The following GLDC variants were observed in gnomAD, a reference collection of about 807,000 sequenced individuals.
GLDC encodes glycine decarboxylase.
In GLDC, 104 loss-of-function variants were observed where a neutral mutation model predicts 121.3. The ratio of observed to expected loss-of-function variants is 0.86; its 90% CI spans 0.73 to 1.01. GLDC has a LOEUF of 1.01. Ranked by LOEUF, GLDC falls within the 50% of genes least tolerant of loss-of-function variation. The pLI is 0.00. For synonymous variants in GLDC, 546 were observed against 480.6 expected, an observed-to-expected ratio of 1.14 and a Z score of -1.78; for missense variants, 1,429 against 1,306.6, an observed-to-expected ratio of 1.09 and a Z score of -1.44.
chr9:6,551,646 G>A (rs1001264586), intron 20 of GLDC, among the ~76,000 whole-genome samples: 5 of 152,158 alleles, frequency 3.3e-5, no homozygotes, highest in African/African-American at 1.2e-4. Context: ...CTCCAGGCTG[G>A]TCAAAGAAGG....
Position 6,604,791 on chromosome 9 carries a change from AG to A in GLDC, c.862-8del, listed in dbSNP as rs1563856817. 1.9e-6 allele frequency: 3 copies of A among 1,611,772 alleles called. No individual in the cohort carries two copies. Among genetic ancestry groups the A allele is most frequent in the Non-Finnish European group, 2.5e-6 (3 of 1,177,828 alleles). On this transcript the variant is annotated splice_polypyrimidine_tract_variant and splice_region_variant and intron_variant, in intron 6 of 24. Coordinates refer to ENST00000321612, the MANE Select transcript of GLDC (RefSeq NM_000170.3). Reference sequence around the variant, plus strand: ...TAGCACAGCAGGCCAGGCTCTAGAAAGGAAGTGAGAGAAAAGGAACAAGGTT... The same window carrying A: ...TAGCACAGCAGGCCAGGCTCTAGAAAGAAGTGAGAGAAAAGGAACAAGGTT...
chr9:6,629,996 C>T (rs1002056913), intron 2 of GLDC, among the ~76,000 whole-genome samples: 4 of 81,158 alleles, frequency 4.9e-5, no homozygotes, highest in Non-Finnish European at 9.2e-5. Flanking sequence ...CACTATGTTT[C>T]CCAGGCTGGT....
chr9:6,598,259 G>C (rs996321477), intron 8 of GLDC, among the ~76,000 whole-genome samples: 1 of 152,110 alleles, frequency 6.6e-6, no homozygotes, highest in Non-Finnish European at 1.5e-5. Context: ...TTAAACTGCT[G>C]AACTCAAGTA....
intron 22 of GLDC, among the ~76,000 whole-genome samples, chr9:6,538,276 G>A (rs1014991041): frequency 1.3e-5 from 2 of 152,134 alleles, no homozygotes; most frequent in Non-Finnish European, 2.9e-5. Flanking sequence ...CCTGATTCAG[G>A]AAGTCCAAGG....
In GLDC at chr9:6,630,919, C is replaced by T. The variant is rs117744522; in HGVS notation, c.335-10600G>A. 1.3e-3 allele frequency among the ~76,000 whole-genome samples: 191 copies of T among 152,342 alleles called. 1 individual carries two copies. Among genetic ancestry groups the T allele is most frequent in the Non-Finnish European group, 2.1e-3 (146 of 68,036 alleles). On this transcript the variant is annotated intron_variant, in intron 2 of 24. Coordinates refer to ENST00000321612, the MANE Select transcript of GLDC (RefSeq NM_000170.3). ...AGTCCATAGAGCCAACTCCCTGTTACTTGTCAAGTTTCCTCCCTGGGCAGA... is the reference window on the plus strand; with the variant it reads ...AGTCCATAGAGCCAACTCCCTGTTATTTGTCAAGTTTCCTCCCTGGGCAGA...
chr9:6,644,575 G>GA, intron 2 of GLDC, 39 bp downstream of exon 2: 1 of 1,370,350 alleles, frequency 7.3e-7, no homozygotes, highest in East Asian at 2.3e-5. Context: ...AAATAGGCCA[G>GA]AATAATCTAA....
chr9:6,546,754 G>T (rs1275711765), intron 21 of GLDC, among the ~76,000 whole-genome samples: 2 of 151,832 alleles, frequency 1.3e-5, no homozygotes, highest in Non-Finnish European at 2.9e-5. Context: ...CTGAGGTCAG[G>T]AGTTTGAGAC....
chr9:6,603,312 A>G (rs1305788394), intron 7 of GLDC, among the ~76,000 whole-genome samples: 1 of 152,044 alleles, frequency 6.6e-6, no homozygotes, highest in African/African-American at 2.4e-5. Flanking sequence ...AGGTGTTAAT[A>G]AGATGATTTA....
chr9:6,602,445 C>T (rs1818635476), intron 7 of GLDC, among the ~76,000 whole-genome samples: 4 of 150,386 alleles, frequency 2.7e-5, no homozygotes, highest in East Asian at 2.0e-4. Context: ...GGCGTGATCT[C>T]GGCTCACTGC....
chr9:6,644,051 C>A (rs1011461534), intron 2 of GLDC, among the ~76,000 whole-genome samples: 923 of 38,448 alleles, frequency 0.024, 2 homozygotes, highest in East Asian at 0.051. Context: ...AAAAAAAAAA[C>A]GAAAAAAAAA....
At chr9:6,587,553 A>G (rs1369744897) in intron 14 of GLDC, among the ~76,000 whole-genome samples, 1 of 152,214 alleles carries the variant, frequency 6.6e-6, no homozygotes, top group Non-Finnish European at 1.5e-5. Flanking sequence ...AAAGCCCCCA[A>G]AACAGATTTC....
intron 21 of GLDC, among the ~76,000 whole-genome samples, chr9:6,543,774 G>A (rs1817324095): frequency 6.6e-6 from 1 of 152,046 alleles, no homozygotes. Flanking sequence ...GATATCAAGT[G>A]GAAACTGAAT....
At chr9:6,644,439 G>C in intron 2 of GLDC, 175 bp downstream of exon 2, 1 of 659,340 alleles carries the variant, frequency 1.5e-6, no homozygotes, top group East Asian at 2.7e-5. Flanking sequence ...TGTCTGCTCC[G>C]AGAACCAAAT....
intron 15 of GLDC, among the ~76,000 whole-genome samples, chr9:6,569,617 A>C (rs770690614): frequency 3.9e-5 from 6 of 152,068 alleles, no homozygotes; most frequent in Non-Finnish European, 8.8e-5. Flanking sequence ...GCACCACTGC[A>C]CTCTAGCCTG....
intron 5 of GLDC, among the ~76,000 whole-genome samples, chr9:6,605,626 A>C (rs1342921846): frequency 6.6e-6 from 1 of 152,192 alleles, no homozygotes; most frequent in Middle Eastern, 3.2e-3. Context: ...CATCACTCTT[A>C]AGTGAATGGA....
intron 2 of GLDC, among the ~76,000 whole-genome samples, chr9:6,626,637 C>T (rs182697142): frequency 1.3e-5 from 2 of 151,166 alleles, no homozygotes; most frequent in East Asian, 3.9e-4. Context: ...ATGGTGATGT[C>T]TGAAGTCCCT....
In GLDC at chr9:6,588,639, A is replaced by G. The variant is rs750071045; in HGVS notation, c.1644T>C (p.Leu548=). The change falls in exon 13 of 25, where the codon CTT becomes CTC. Residue 548 remains leucine, a synonymous_variant. Transcript: ENST00000321612. ...CTACCAGTGGAATCATGCTGTGAAC[A>G]AGGGAAATGTCTTTATTTTCCAGTT... ...MKKLENKDIS[L]VHSMIPLGSC... The G allele has an allele frequency of 6.2e-7, 1 of 1,612,022 alleles. No individual in the cohort carries two copies. The highest frequency in any genetic ancestry group is 2.2e-5 in the East Asian group (1 of 44,876).
At chr9:6,608,302 G>C (rs1818777950) in intron 4 of GLDC, among the ~76,000 whole-genome samples, 1 of 147,522 alleles carries the variant, frequency 6.8e-6, no homozygotes, top group Middle Eastern at 3.4e-3. Flanking sequence ...GGCACCTGTA[G>C]TCCCAGCTAC....
intron 7 of GLDC, among the ~76,000 whole-genome samples, chr9:6,603,891 A>G (rs1395093404): frequency 4.6e-5 from 7 of 151,466 alleles, no homozygotes; most frequent in African/African-American, 1.5e-4. Flanking sequence ...CACCACGCCC[A>G]CCTAATTTTT....
Sources: gnomAD v4.1 joint callset for allele counts (sites outside exome capture counted in the v4.1 genomes callset) on GRCh38, gnomAD v4.1.1 for gene constraint, MANE v1.5 for transcripts, NCBI Gene and HGNC (gene_info 2026-07-23, HGNC 2026-07-21) for gene names.